TRAPPC3L: variants seen among roughly 807,000 people sequenced by gnomAD.
TRAPPC3L encodes the protein trafficking protein particle complex subunit 3-like protein.
TRAPPC3L carries 23 observed loss-of-function variants against 23.7 expected under a neutral mutation model. That is an observed-to-expected ratio of 0.97 (90% CI 0.70 to 1.37). The LOEUF (loss-of-function observed/expected upper bound fraction) is 1.37. Ranked by LOEUF, TRAPPC3L falls within the 40% of genes most tolerant of loss-of-function variation. The pLI is 0.00. For synonymous variants in TRAPPC3L, 81 were observed against 77.9 expected (o/e 1.04, Z -0.21); for missense variants, 212 against 216.8 (o/e 0.98, Z 0.14).
At position 116,540,498 on chromosome 6, in the gene TRAPPC3L, T is replaced by C. The variant is rs1562353728; in HGVS notation, c.141-36A>G. The C allele has an allele frequency of 2.0e-6, 3 of 1,538,330 alleles. No individual in the cohort carries two copies. In the African/African-American group the frequency reaches 4.1e-5, roughly 21 times the overall value. On this transcript the variant is annotated intron_variant, in intron 2 of 4. Transcript: ENST00000368602. ...CGGAAAGAGTGTGGTCTGAAAATTC[T>C]AAGAAATTAGTGAAGTCTGTCAGTT...
In TRAPPC3L at chr6:116,502,013, T is replaced by C. The variant is rs184033562; in HGVS notation, c.241-1347A>G. ...TTGCCAGCAAGGGAACAAAACTGGA[T>C]AGAGAATGAATTTGACAAGTTGACA... On this transcript the variant is annotated intron_variant, in intron 3 of 4. Transcript: ENST00000368602. 1.1e-4 allele frequency among the ~76,000 whole-genome samples: 17 copies of C among 152,196 alleles called. No homozygotes were observed. In the East Asian group the frequency reaches 3.1e-3, roughly 28 times the overall value.
chr6:116,509,721 T>A (rs1772073339), intron 3 of TRAPPC3L, among the ~76,000 whole-genome samples: 1 of 152,088 alleles, frequency 6.6e-6, no homozygotes, highest in Admixed American at 6.6e-5. Context: ...ACCATAAAAT[T>A]TCTAGAAGAA....
chr6:116,507,657 C>G (rs149349377), intron 3 of TRAPPC3L, among the ~76,000 whole-genome samples: 17 of 152,120 alleles, frequency 1.1e-4, no homozygotes, highest in Admixed American at 1.3e-4. Flanking sequence ...GTTTGGGGGT[C>G]TTGGTTGCAG....
chr6:116,540,520 A>C, intron 2 of TRAPPC3L, 58 bp from the exon 3 acceptor site: 1 of 1,498,524 alleles, frequency 6.7e-7, no homozygotes, highest in Non-Finnish European at 9.1e-7. Context: ...GAAGTCTGTC[A>C]GTTTTTAAGA....
At chr6:116,504,155 A>G (rs2753111) in intron 3 of TRAPPC3L, among the ~76,000 whole-genome samples, 3,844 of 152,296 alleles carry the variant, frequency 0.025, 75 homozygotes, top group Middle Eastern at 0.092. Context: ...AGAAGAAAAG[A>G]CAGAATCATC....
At chr6:116,506,005 A>G (rs1231732830) in intron 3 of TRAPPC3L, among the ~76,000 whole-genome samples, 3 of 152,250 alleles carry the variant, frequency 2.0e-5, no homozygotes, top group African/African-American at 4.8e-5. Flanking sequence ...AACAAAAGCC[A>G]AAATAAACAA....
intron 3 of TRAPPC3L, chr6:116,519,524 G>GCA (rs1364104020): frequency 1.3e-5 from 2 of 152,182 alleles, no homozygotes; most frequent in African/African-American, 4.8e-5. Context: ...TCTAGAGAGG[G>GCA]CACCCAATGG....
chr6:116,516,352 A>T (rs1423596699), intron 3 of TRAPPC3L: 1 of 170,214 alleles, frequency 5.9e-6, no homozygotes, highest in Non-Finnish European at 1.3e-5. Context: ...TGAGTGAGCA[A>T]GTTACTCTTA....
chr6:116,508,360 T>A (rs777593204), intron 3 of TRAPPC3L, among the ~76,000 whole-genome samples: 3 of 152,186 alleles, frequency 2.0e-5, no homozygotes, highest in Admixed American at 6.6e-5. Context: ...TGGGAACATG[T>A]CATGAGCATA....
At chr6:116,511,765 G>T (rs754526799) in intron 3 of TRAPPC3L, 2 of 1,614,014 alleles carry the variant, frequency 1.2e-6, no homozygotes, top group South Asian at 2.2e-5. Flanking sequence ...ACAGCTTCAT[G>T]GCTCTGCTGA....
intron 3 of TRAPPC3L, chr6:116,518,178 G>A (rs538807715): frequency 8.5e-5 from 13 of 152,346 alleles, no homozygotes; most frequent in African/African-American, 3.1e-4. Flanking sequence ...TCAGATAGAA[G>A]ATGTGAGTAA....
chr6:116,501,014 G>A (rs1281076947), intron 3 of TRAPPC3L, among the ~76,000 whole-genome samples: 2 of 152,226 alleles, frequency 1.3e-5, no homozygotes, highest in Admixed American at 6.5e-5. Context: ...CCCATGGAGA[G>A]TGAGCCGAAG....
chr6:116,505,774 T>G (rs1771994684), intron 3 of TRAPPC3L, among the ~76,000 whole-genome samples: 1 of 152,212 alleles, frequency 6.6e-6, no homozygotes, highest in East Asian at 1.9e-4. Flanking sequence ...AGGGAAAGGA[T>G]TCCCTGTTTA....
intron 3 of TRAPPC3L, among the ~76,000 whole-genome samples, chr6:116,507,378 G>A (rs1324111227): frequency 1.3e-5 from 2 of 152,028 alleles, no homozygotes; most frequent in African/African-American, 2.4e-5. Context: ...CATTATCTGT[G>A]GTCTCAGTTA....
At position 116,512,428 on chromosome 6, in the gene TRAPPC3L, C is replaced by G. The variant is rs1182038358; in HGVS notation, c.241-11762G>C. 6.8e-6 allele frequency: 4 copies of G among 591,462 alleles called. No homozygotes were observed. In the African/African-American group the frequency reaches 7.4e-5, roughly 11 times the overall value. The allele number at this position is 591,462 out of a possible 1,614,324, so 36.6% of individuals were successfully genotyped here. A position where few individuals can be genotyped will look rare whatever the true frequency, so the allele number is the denominator to read the frequency against. On this transcript the variant is annotated intron_variant, in intron 3 of 4. Coordinates refer to ENST00000368602, the MANE Select transcript of TRAPPC3L (RefSeq NM_001139444.3). ...CTGGGTGGCTCAATAAAGTTGCTGACTGGATTATCTCTTTTCCGGTTCTGA... is the reference window on the plus strand; with the variant it reads ...CTGGGTGGCTCAATAAAGTTGCTGAGTGGATTATCTCTTTTCCGGTTCTGA...
rs754175394 is a variant in TRAPPC3L at position 116,512,215 on chromosome 6, C to T, written c.241-11549G>A. 5.6e-6 allele frequency: 9 copies of T among 1,602,188 alleles called. No individual in the cohort carries two copies. In the African/African-American group the frequency reaches 1.2e-4, roughly 21 times the overall value. On this transcript the variant is annotated intron_variant, in intron 3 of 4. Coordinates refer to ENST00000368602, the MANE Select transcript of TRAPPC3L (RefSeq NM_001139444.3). The stretch of plus-strand genomic sequence containing the variant: ...CTACCGTCAATGAAGAACTGAAACT[C>T]TCCCTTCAGGCCCAGTCTCAGGTAA...
intron 3 of TRAPPC3L, among the ~76,000 whole-genome samples, chr6:116,530,472 T>C (rs1772631031): frequency 6.6e-6 from 1 of 152,200 alleles, no homozygotes; most frequent in African/African-American, 2.4e-5. Context: ...ACTTTTGTAA[T>C]TGGTTCCTTT....
intron 2 of TRAPPC3L, among the ~76,000 whole-genome samples, chr6:116,541,127 A>G (rs1254017847): frequency 3.3e-5 from 5 of 152,104 alleles, no homozygotes; most frequent in Non-Finnish European, 7.4e-5. Context: ...TGCCTGAAGT[A>G]CAATCTTGAA....
rs567050212 is a variant in TRAPPC3L at position 116,498,694 on chromosome 6, AT to A, written c.427-1622del. ...CCCTTCTGGGTCTTTTGGTTCCTAA[AT>A]GTTGTGAATATTTTTCAGGTCCGGT... On this transcript the variant is annotated intron_variant, in intron 4 of 4. Transcript: ENST00000368602. Among the ~76,000 whole-genome samples, 14 of 152,194 alleles carry A rather than the reference AT, an allele frequency of 9.2e-5. No homozygotes were observed. The East Asian group carries it at 2.5e-3, about 27-fold the overall frequency.
Sources: allele counts gnomAD v4.1 joint callset (sites outside exome capture counted in the v4.1 genomes callset), GRCh38; gene constraint gnomAD v4.1.1; transcripts MANE v1.5; gene names NCBI Gene and HGNC (gene_info 2026-07-23, HGNC 2026-07-21).